Variants in SLC12A3 observed in about 807,000 individuals in gnomAD.
SLC12A3 encodes the protein solute carrier family 12 member 3.
Under a neutral mutation model 121.0 loss-of-function variants are expected in SLC12A3, and 104 were observed. The ratio of observed to expected loss-of-function variants is 0.86; its 90% CI spans 0.73 to 1.01. SLC12A3 has a LOEUF of 1.01. Among genes scored for constraint, SLC12A3 ranks in the 50% least tolerant of loss-of-function variants. The pLI is 0.00. For missense variants in SLC12A3, 1,328 were observed against 1,356.3 expected (o/e 0.98, Z 0.33); for synonymous variants, 536 against 533.4 (o/e 1.00, Z -0.07).
chr16:56,904,660 G>A, intron 25 of SLC12A3, 198 bp downstream of exon 25: 2 of 594,916 alleles, frequency 3.4e-6, no homozygotes, highest in South Asian at 1.8e-5. Flanking sequence ...CTGAGCTCCA[G>A]CTGGCAGGGG....
rs1233683747 is a variant in SLC12A3 at position 56,887,034 on chromosome 16, G to T, written c.2119G>T (p.Ala707Ser). ...GTGGCTGAACAAGAGGAAGATCAAG[G>T]CCTTCTACTCGGATGTCATTGCCGA... is the stretch of plus-strand genomic sequence containing the variant. The part of the protein sequence containing the change: ...TKWLNKRKIK[A>S]FYSDVIAEDL... Residue 707 changes from alanine to serine, a missense_variant, in exon 17 of 26, where the codon GCC (alanine) becomes TCC (serine). Ala to Ser is a moderately conservative substitution (Grantham distance 99). Transcript: ENST00000563236. The T allele has an allele frequency of 6.2e-7, 1 of 1,613,990 alleles. No homozygotes were observed. Among genetic ancestry groups the T allele is most frequent in the Non-Finnish European group, 8.5e-7 (1 of 1,180,040 alleles).
chr16:56,866,966 G>T (rs117904839), intron 1 of SLC12A3, 104 bp from the exon 2 acceptor site: 11 of 1,491,052 alleles, frequency 7.4e-6, no homozygotes, highest in African/African-American at 2.7e-5. Flanking sequence ...GAGGGGTCGG[G>T]GGGTGCTCGG....
chr16:56,879,594 G>A lies in SLC12A3; in HGVS notation c.1388G>A (p.Gly463Glu), dbSNP rs1375515522. The A allele has an allele frequency of 1.4e-5, 22 of 1,613,690 alleles. No individual in the cohort carries two copies. Among genetic ancestry groups the A allele is most frequent in the Non-Finnish European group, 1.7e-5 (20 of 1,180,008 alleles). Residue 463 changes from glycine (G) to glutamate (E), a missense_variant, in exon 11 of 26, where the codon GGG becomes GAG. By Grantham distance (98) the Gly-to-Glu change is moderately conservative. Coordinates refer to ENST00000563236, the MANE Select transcript of SLC12A3 (RefSeq NM_001126108.2). ...CCCCTGATCACGGCTGGCATCTTCGGGGCCACCCTCTCCTCTGCCCTGGCC... is the reference window on the plus strand; with the variant it reads ...CCCCTGATCACGGCTGGCATCTTCGAGGCCACCCTCTCCTCTGCCCTGGCC... ...FAPLITAGIF[G>E]ATLSSALACL...
intron 15 of SLC12A3, 131 bp from the exon 16 acceptor site, chr16:56,886,233 C>T (rs538566060): frequency 4.4e-5 from 29 of 654,246 alleles, no homozygotes; most frequent in Middle Eastern, 3.5e-4. Context: ...GGTGGGAAGC[C>T]GAGGCCCCAA....
At position 56,886,433 on chromosome 16, in the gene SLC12A3, C is replaced by A; in HGVS notation, c.1995C>A (p.Phe665Leu). ...CCCTGGTGGACTTTGTGGGCACCTT[C>A]ACCCGGAACCTCAGCCTGATGATCT... ...RPALVDFVGTFTRNLSLMICG... is the reference protein window; with the variant it reads ...RPALVDFVGTLTRNLSLMICG... The change falls in exon 16 of 26, where the codon TTC (phenylalanine) becomes TTA (leucine). Residue 665 changes from phenylalanine (F) to leucine (L), a missense_variant. Physicochemically the swap from Phe to Leu is conservative, Grantham distance 22 (BLOSUM62 0). Transcript: ENST00000563236. The A allele has an allele frequency of 6.2e-7, 1 of 1,614,118 alleles. No homozygotes were observed. The highest frequency in any genetic ancestry group is 8.5e-7 in the Non-Finnish European group (1 of 1,180,038).
At chr16:56,911,636 T>G (rs2055687196) in intron 25 of SLC12A3, among the ~76,000 whole-genome samples, 2 of 151,908 alleles carry the variant, frequency 1.3e-5, no homozygotes, top group Admixed American at 1.3e-4. Context: ...CATTGCTTTT[T>G]AAAGGAGGGT....
intron 24 of SLC12A3, among the ~76,000 whole-genome samples, chr16:56,903,433 C>T (rs1204027794): frequency 6.6e-6 from 1 of 152,168 alleles, no homozygotes. Context: ...AGCTTACCCC[C>T]TGGGGGACAT....
At chr16:56,900,519 T>TTTTATTTTTTTATTTA (rs1555502165) in intron 23 of SLC12A3, among the ~76,000 whole-genome samples, 1 of 148,436 alleles carries the variant, frequency 6.7e-6, no homozygotes, top group Admixed American at 6.7e-5. Context: ...AGCATCTGAT[T>TTTTATTTTTTTATTTA]TTTATTTATT....
intron 20 of SLC12A3, among the ~76,000 whole-genome samples, chr16:56,892,363 C>T (rs1290861839): frequency 3.9e-5 from 6 of 152,176 alleles, no homozygotes; most frequent in Non-Finnish European, 1.5e-5. Flanking sequence ...AATCCCAGCA[C>T]TGTGGGAGGC....
rs551030377 is a variant in SLC12A3, at chr16:56,884,597, G to A, written c.1825+393G>A. 1.2e-4 allele frequency among the ~76,000 whole-genome samples: 18 copies of A among 152,282 alleles called. No homozygotes were observed. In the South Asian group the frequency reaches 3.1e-3, roughly 26 times the overall value. On this transcript the variant is annotated intron_variant, in intron 14 of 25. Transcript: ENST00000563236. ...GGCAGGCAGACAAAGCTTGGACTCC[G>A]GGCAAGGTCTCTACTTGGCTGCAGG...
At chr16:56,883,752 C>T (rs1173560308) in intron 13 of SLC12A3, among the ~76,000 whole-genome samples, 2 of 152,214 alleles carry the variant, frequency 1.3e-5, no homozygotes, top group Admixed American at 6.5e-5. Context: ...CCCTCCATCT[C>T]ACCCCCTTGG....
At chr16:56,878,282 G>A in intron 9 of SLC12A3, 121 bp downstream of exon 9, 2 of 767,672 alleles carry the variant, frequency 2.6e-6, no homozygotes, top group Non-Finnish European at 4.5e-6. Context: ...ACAACAGGGA[G>A]AGCTGGGCTG....
intron 19 of SLC12A3, 72 bp downstream of exon 19, chr16:56,890,428 A>G (rs899406060): frequency 2.5e-6 from 3 of 1,218,534 alleles, no homozygotes; most frequent in African/African-American, 1.5e-5. Context: ...CAGAGGGAAA[A>G]ATGAGTAAGA....
chr16:56,874,761 C>T (rs1352094071), intron 8 of SLC12A3, among the ~76,000 whole-genome samples: 1 of 152,136 alleles, frequency 6.6e-6, no homozygotes, highest in Non-Finnish European at 1.5e-5. Context: ...GCCAAGATGG[C>T]GCCACTACAC....
rs768123633 is a variant in SLC12A3 at position 56,869,827 on chromosome 16, G to T, written c.601+3G>T. The T allele has an allele frequency of 1.2e-6, 2 of 1,613,236 alleles. No individual in the cohort carries two copies. The highest frequency in any genetic ancestry group is 2.2e-5 in the East Asian group (1 of 44,892). ...CACCAATGGCAAGGTCAAGTCAGGT[G>T]GGCCATCCCCCTTTCCACCAAGGCC... On this transcript the variant is annotated splice_donor_region_variant and intron_variant, in intron 4 of 25. Coordinates refer to ENST00000563236, the MANE Select transcript of SLC12A3 (RefSeq NM_001126108.2).
intron 25 of SLC12A3, among the ~76,000 whole-genome samples, chr16:56,905,727 A>G (rs7184451): frequency 0.057 from 8,659 of 152,212 alleles, 867 homozygotes; most frequent in African/African-American, 0.2. Context: ...TCTCCCTTAC[A>G]TCCTCACATA....
At chr16:56,903,433 CT>C (rs1225547051) in intron 24 of SLC12A3, among the ~76,000 whole-genome samples, 12 of 152,168 alleles carry the variant, frequency 7.9e-5, no homozygotes, top group Admixed American at 4.6e-4. Context: ...AGCTTACCCC[CT>C]GGGGGACATT....
chr16:56,869,956 C>A, intron 4 of SLC12A3, 132 bp downstream of exon 4: 2 of 1,361,476 alleles, frequency 1.5e-6, no homozygotes, highest in Non-Finnish European at 2.1e-6. Context: ...TCTAGGCAGG[C>A]TGTCTACACC....
intron 25 of SLC12A3, among the ~76,000 whole-genome samples, chr16:56,910,637 G>T (rs574671923): frequency 6.6e-6 from 1 of 152,280 alleles, no homozygotes; most frequent in South Asian, 2.1e-4. Flanking sequence ...ACTGTGCCTG[G>T]CCTCAAAACT....
Sources: gnomAD v4.1 joint callset for allele counts (sites outside exome capture counted in the v4.1 genomes callset) on GRCh38, gnomAD v4.1.1 for gene constraint, MANE v1.5 for transcripts, NCBI Gene and HGNC (gene_info 2026-07-23, HGNC 2026-07-21) for gene names.